The following RPS26 variants were observed in gnomAD, a reference collection of about 807,000 sequenced individuals.
RPS26 encodes small ribosomal subunit protein eS26.
Under a neutral mutation model 14.7 loss-of-function variants are expected in RPS26, and 1 was observed. That is an observed-to-expected ratio of 0.07 (90% CI 0.02 to 0.32). The LOEUF (loss-of-function observed/expected upper bound fraction) is 0.32. RPS26 is among the 10% of genes least tolerant of loss of function. The pLI, the probability that RPS26 is intolerant of heterozygous loss-of-function variation, is 1.00. For missense variants in RPS26, 63 were observed against 157.7 expected (o/e 0.40, Z 3.22); for synonymous variants, 59 against 53.1 (o/e 1.11, Z -0.48).
In RPS26 at chr12:56,044,345, C is replaced by CTTTT. The variant is rs1191650736; in HGVS notation, c.*208_*211dup. On this transcript the variant is annotated 3_prime_UTR_variant, in exon 4 of 4. Coordinates refer to ENST00000646449, the MANE Select transcript of RPS26 (RefSeq NM_001029.5). Reference sequence around the variant, plus strand: ...CTTATTCATGTAATTTAATTTTTTTCTTTTTTTTTTTTTTTTTTTTGAGAC... The same window carrying CTTTT: ...CTTATTCATGTAATTTAATTTTTTTCTTTTTTTTTTTTTTTTTTTTTTTTGAGAC... The CTTTT allele has an allele frequency of 7.1e-4, 189 of 266,642 alleles. No homozygotes were observed. The highest frequency in any genetic ancestry group is 9.8e-4 in the African/African-American group (23 of 23,530). 16.5% of individuals were successfully genotyped at this position (266,642 alleles called of 1,614,324 possible).
intron 3 of RPS26, 27 bp downstream of exon 3, chr12:56,043,520 G>A: frequency 1.2e-6 from 2 of 1,613,152 alleles, no homozygotes; most frequent in South Asian, 1.1e-5. Flanking sequence ...GAGAATGGAA[G>A]CCAGGGGAGT....
chr12:56,043,433 C>T lies in RPS26; in HGVS notation c.252C>T (p.Val84=), dbSNP rs1895918525. 2 of 1,612,712 alleles carry T rather than the reference C, an allele frequency of 1.2e-6. No individual in the cohort carries two copies. Among genetic ancestry groups the T allele is most frequent in the East Asian group, 2.2e-5 (1 of 44,866 alleles). Residue 84 remains valine, a synonymous_variant, in exon 3 of 4, where the codon GTC becomes GTT. Transcript: ENST00000646449. ...GTTGTGCAATTCACAGCAAAGTAGT[C>T]AGGAATCGATCTCGTGAAGCCCGCA... ...CVSCAIHSKV[V]RNRSREARKD...
In RPS26 at chr12:56,043,436, G is replaced by A; in HGVS notation, c.255G>A (p.Arg85=). Residue 85 remains arginine, a synonymous_variant, in exon 3 of 4, where the codon AGG becomes AGA. Transcript: ENST00000646449. ...VSCAIHSKVV[R]NRSREARKDR... ...GTGCAATTCACAGCAAAGTAGTCAG[G>A]AATCGATCTCGTGAAGCCCGCAAGG... 5 of 1,613,032 alleles carry A rather than the reference G, an allele frequency of 3.1e-6. No individual in the cohort carries two copies. Among genetic ancestry groups the A allele is most frequent in the Non-Finnish European group, 4.2e-6 (5 of 1,179,632 alleles).
Position 56,042,524 on chromosome 12 carries a change from G to A in RPS26, c.103G>A (p.Ala35Thr), listed in dbSNP as rs1308342580. The A allele has an allele frequency of 3.1e-6, 5 of 1,602,018 alleles. No homozygotes were observed. The highest frequency in any genetic ancestry group is 3.4e-6 in the Non-Finnish European group (4 of 1,177,386). ...NCARCVPKDK[A>T]IKKFVIRNIV... is the part of the protein sequence containing the mutation. Reference sequence around the variant, plus strand: ...TGCCCGATGCGTGCCCAAGGACAAGGCCATTAAGAAATTCGTCATTCGAAA... The same window carrying A: ...TGCCCGATGCGTGCCCAAGGACAAGACCATTAAGAAATTCGTCATTCGAAA... Residue 35 changes from alanine to threonine, a missense_variant, in exon 2 of 4, where the codon GCC becomes ACC. Coordinates refer to ENST00000646449, the MANE Select transcript of RPS26 (RefSeq NM_001029.5).
Position 56,044,235 on chromosome 12 carries a change from A to G in RPS26, c.*81A>G. On this transcript the variant is annotated 3_prime_UTR_variant, in exon 4 of 4. Transcript: ENST00000646449. ...GAAATTGTACTTAATATTGCATGTT[A>G]AGTGTATCTGTGCCAGATAAGGTGG... 1 of 1,108,008 alleles carries G rather than the reference A, an allele frequency of 9.0e-7. No individual in the cohort carries two copies. The highest frequency in any genetic ancestry group is 1.4e-6 in the Non-Finnish European group (1 of 727,270). 68.6% of individuals were successfully genotyped at this position (1,108,008 alleles called of 1,614,324 possible).
Position 56,041,994 on chromosome 12 carries a change from T to C in RPS26, c.-173T>C. The C allele has an allele frequency of 1.4e-6, 1 of 731,188 alleles. No individual in the cohort carries two copies. Among genetic ancestry groups the C allele is most frequent in the Non-Finnish European group, 2.5e-6 (1 of 407,560 alleles). The allele number at this position is 731,188 out of a possible 1,614,324, so 45.3% of individuals were successfully genotyped here. ...GATAAATAAACACTAGGAACGCATT[T>C]CCACCCTAGATTTCAGCAGAAATGC... On this transcript the variant is annotated 5_prime_UTR_variant, in exon 1 of 4. Transcript: ENST00000646449.
In RPS26 at chr12:56,044,190, C is replaced by T. The variant is rs1032319349; in HGVS notation, c.*36C>T. The T allele has an allele frequency of 1.3e-6, 2 of 1,497,384 alleles. No homozygotes were observed. Among genetic ancestry groups the T allele is most frequent in the African/African-American group, 2.8e-5 (2 of 72,134 alleles). The allele number at this position is 1,497,384 out of a possible 1,614,324, so 92.8% of individuals were successfully genotyped here. On this transcript the variant is annotated 3_prime_UTR_variant, in exon 4 of 4. Transcript: ENST00000646449. ...TCTTAAAGACTGAAGACAGGCTATT[C>T]TCTGGAGAAAAATAAAATGGAAATT...
intron 2 of RPS26, 146 bp downstream of exon 2, chr12:56,042,748 CTT>C (rs1384600510): frequency 8.1e-6 from 6 of 737,842 alleles, no homozygotes; most frequent in Non-Finnish European, 1.4e-5. Context: ...AGAGAATTCT[CTT>C]GTTTGCCGTT....
chr12:56,042,640 A>G (rs1311081821), intron 2 of RPS26, 38 bp downstream of exon 2: 3 of 1,562,196 alleles, frequency 1.9e-6, no homozygotes, highest in Admixed American at 3.3e-5. Context: ...TGAGGATCCC[A>G]GTATCTTAAA....
chr12:56,042,321 G>A, intron 1 of RPS26, 104 bp from the exon 2 acceptor site: 1 of 1,514,902 alleles, frequency 6.6e-7, no homozygotes, highest in Non-Finnish European at 9.2e-7. Context: ...CAGGAGATCC[G>A]AGCGGCGCCT....
chr12:56,042,183 C>T lies in RPS26; in HGVS notation c.3+14C>T, dbSNP rs763770729. ...GCCTCCAAGATGGTGAGTCTTCTTG[C>T]GTGGTGAGGGTGGGGGTTCGGGTGC... On this transcript the variant is annotated intron_variant, in intron 1 of 3. Transcript: ENST00000646449. 1.8e-5 allele frequency: 29 copies of T among 1,613,842 alleles called. No individual in the cohort carries two copies. Among genetic ancestry groups the T allele is most frequent in the South Asian group, 7.7e-5 (7 of 91,072 alleles).
At chr12:56,043,234 A>T (rs973065250) in intron 2 of RPS26, 129 bp from the exon 3 acceptor site, 2 of 887,914 alleles carry the variant, frequency 2.3e-6, no homozygotes. Context: ...GGGTGCTTTT[A>T]TGTGCCCGAC....
At chr12:56,043,596 G>T in intron 3 of RPS26, 103 bp downstream of exon 3, 2 of 1,188,404 alleles carry the variant, frequency 1.7e-6, no homozygotes, top group South Asian at 1.2e-5. Flanking sequence ...ACTTTGGGAG[G>T]CTGGGACAAG....
In RPS26 at chr12:56,042,158, G is replaced by A. The variant is rs372708429; in HGVS notation, c.-9G>A. 118 of 1,614,136 alleles carry A rather than the reference G, an allele frequency of 7.3e-5. No individual in the cohort carries two copies. The South Asian group carries it at 1.2e-3, about 17-fold the overall frequency. On this transcript the variant is annotated 5_prime_UTR_variant, in exon 1 of 4. Transcript: ENST00000646449. ...GCACCGTCTCCTCTCTCCGGTCCGT[G>A]CCTCCAAGATGGTGAGTCTTCTTGC...
chr12:56,044,004 T>C, intron 3 of RPS26, 115 bp from the exon 4 acceptor site: 1 of 895,532 alleles, frequency 1.1e-6, no homozygotes, highest in Non-Finnish European at 1.9e-6. Flanking sequence ...CAGCTTCCCA[T>C]GCATTTGTAG....
chr12:56,043,676 A>T (rs1008828778), intron 3 of RPS26, among the ~76,000 whole-genome samples, 183 bp downstream of exon 3: 1 of 152,102 alleles, frequency 6.6e-6, no homozygotes, highest in African/African-American at 2.4e-5. Flanking sequence ...GCCAAGCATG[A>T]TAGTGTGAAC....
intron 2 of RPS26, chr12:56,042,887 G>T (rs920834466): frequency 3.8e-6 from 2 of 528,882 alleles, no homozygotes; most frequent in Non-Finnish European, 6.8e-6. Flanking sequence ...GACAATTCTT[G>T]TGCTATTGAT....
rs757155320 is a variant in RPS26 at position 56,044,159 on chromosome 12, C to T, written c.*5C>T. Reference sequence around the variant, plus strand: ...CCCCCACCAAAGCCCATGTAAGGAGCTGAGTTCTTAAAGACTGAAGACAGG... The same window carrying T: ...CCCCCACCAAAGCCCATGTAAGGAGTTGAGTTCTTAAAGACTGAAGACAGG... On this transcript the variant is annotated 3_prime_UTR_variant, in exon 4 of 4. Transcript: ENST00000646449. The T allele has an allele frequency of 2.5e-6, 4 of 1,606,918 alleles. No homozygotes were observed.
At chr12:56,042,939 C>T (rs189128695) in intron 2 of RPS26, 45 of 432,460 alleles carry the variant, frequency 1.0e-4, no homozygotes, top group African/African-American at 7.0e-4. Context: ...GGAAGAATGT[C>T]TTCAACGTTT....
Sources: gnomAD v4.1 joint callset for allele counts (sites outside exome capture counted in the v4.1 genomes callset) on GRCh38, gnomAD v4.1.1 for gene constraint, MANE v1.5 for transcripts, NCBI Gene and HGNC (gene_info 2026-07-23, HGNC 2026-07-21) for gene names.